Variants in KRT75 observed in about 807,000 individuals in gnomAD.
KRT75 encodes the protein keratin 75, also known as keratin, type II cytoskeletal 75.
In KRT75, 35 loss-of-function variants were observed where a neutral mutation model predicts 48.8. That is an observed-to-expected ratio of 0.72 (90% CI 0.55 to 0.95). The LOEUF (loss-of-function observed/expected upper bound fraction) is 0.95. Ranked by LOEUF, KRT75 falls within the 40% of genes least tolerant of loss-of-function variation. KRT75 has a pLI of 0.00. For synonymous variants in KRT75, 301 were observed against 282.3 expected, an observed-to-expected ratio of 1.07 and a Z score of -0.66; for missense variants, 776 against 709.9, an observed-to-expected ratio of 1.09 and a Z score of -1.06.
At chr12:52,430,501 C>T in intron 5 of KRT75, 40 bp downstream of exon 5, 1 of 1,602,630 alleles carries the variant, frequency 6.2e-7, no homozygotes, top group Non-Finnish European at 8.6e-7. Flanking sequence ...CCTCAGAGAA[C>T]ACTAACCCTG....
At chr12:52,431,493 C>T (rs1338091967) in intron 4 of KRT75, 50 bp downstream of exon 4, 1 of 1,321,904 alleles carries the variant, frequency 7.6e-7, no homozygotes, top group South Asian at 1.2e-5. Flanking sequence ...TCATCCTTTT[C>T]TTTCCAGGCT....
At chr12:52,428,799 G>A (rs1940107966) in intron 5 of KRT75, 56 bp from the exon 6 acceptor site, 15 of 1,611,618 alleles carry the variant, frequency 9.3e-6, no homozygotes, top group Middle Eastern at 2.1e-4. Flanking sequence ...CCAGGCACTC[G>A]CTGTGCACAC....
chr12:52,427,424 T>C (rs1449854848), intron 7 of KRT75, among the ~76,000 whole-genome samples: 2 of 152,264 alleles, frequency 1.3e-5, no homozygotes, highest in Non-Finnish European at 2.9e-5. Context: ...CTGTTACTTA[T>C]ATCACACCAC....
At chr12:52,431,873 A>T (rs1940149035) in intron 3 of KRT75, 133 bp downstream of exon 3, 1 of 886,016 alleles carries the variant, frequency 1.1e-6, no homozygotes, top group East Asian at 2.5e-5. Context: ...ACATGTTGGG[A>T]GGTTTGAACT....
In KRT75 at chr12:52,428,294, G is replaced by A. The variant is rs772417922; in HGVS notation, c.1344C>T (p.Ile448=). The change falls in exon 7 of 9, where the codon ATC becomes ATT. Residue 448 remains isoleucine (I), a synonymous_variant. Coordinates refer to ENST00000252245, the MANE Select transcript of KRT75 (RefSeq NM_004693.3). ...MNIKLALDVE[I]ATYRKLLEGE... Reference sequence around the variant, plus strand: ...CTTCCAGCAGCTTGCGGTAGGTGGCGATCTCCACGTCCAGGGCCAGCTTGA... The same window carrying A: ...CTTCCAGCAGCTTGCGGTAGGTGGCAATCTCCACGTCCAGGGCCAGCTTGA... The A allele has an allele frequency of 5.0e-6, 8 of 1,613,922 alleles. No homozygotes were observed. The highest frequency in any genetic ancestry group is 2.7e-5 in the African/African-American group (2 of 74,884).
In KRT75 at chr12:52,431,544, G is replaced by A. The variant is rs555868203; in HGVS notation, c.869C>T (p.Ala290Val). 91 of 1,600,302 alleles carry A rather than the reference G, an allele frequency of 5.7e-5. No homozygotes were observed. The South Asian group carries it at 9.4e-4, about 16-fold the overall frequency. The stretch of plus-strand genomic sequence containing the variant: ...ACAGAAATACTTGCAGACTCTTACT[G>A]CATCAAAGACTGAGTGGATGAAGTT... ...EINFIHSVFD[A>V]ELSQLQTQVG... is the part of the protein sequence containing the mutation. Residue 290 changes from alanine (A) to valine (V), a missense_variant and splice_region_variant, in exon 4 of 9, where the codon GCA becomes GTA. By Grantham distance (64) the Ala-to-Val change is moderately conservative. Transcript: ENST00000252245.
rs1177187103 is a variant in KRT75, at chr12:52,434,161, T to C, written c.144A>G (p.Gly48=). 2 of 1,613,328 alleles carry C rather than the reference T, an allele frequency of 1.2e-6. No individual in the cohort carries two copies. The highest frequency in any genetic ancestry group is 1.3e-5 in the African/African-American group (1 of 74,972). Residue 48 remains glycine (G), a synonymous_variant, in exon 1 of 9, where the codon GGA becomes GGG. Transcript: ENST00000252245. ...AGCTGGCCCCAGCACTGCTGATCCT[T>C]CCCAGGCCCCCACTCCCTGCTGCAG... is the stretch of plus-strand genomic sequence containing the variant. The part of the protein sequence containing the change: ...ARSAAGSGGL[G]RISSAGASFG...
intron 7 of KRT75, among the ~76,000 whole-genome samples, chr12:52,427,926 C>T (rs1940093602): frequency 6.6e-6 from 1 of 152,080 alleles, no homozygotes; most frequent in Non-Finnish European, 1.5e-5. Flanking sequence ...ATCTGTAAGC[C>T]CAAATCCTAG....
chr12:52,429,594 G>A (rs1940117866), intron 5 of KRT75, among the ~76,000 whole-genome samples: 1 of 152,194 alleles, frequency 6.6e-6, no homozygotes, highest in African/African-American at 2.4e-5. Context: ...ATTAAATGGA[G>A]CAACAACCCA....
At chr12:52,428,582 G>C (rs1489950905) in intron 6 of KRT75, 36 bp downstream of exon 6, 1 of 1,614,140 alleles carries the variant, frequency 6.2e-7, no homozygotes, top group East Asian at 2.2e-5. Flanking sequence ...GAAGAAATGA[G>C]CATTTGAGGA....
intron 8 of KRT75, 48 bp from the exon 9 acceptor site, chr12:52,424,803 A>C (rs1940058140): frequency 2.0e-6 from 3 of 1,466,632 alleles, no homozygotes; most frequent in Non-Finnish European, 2.9e-6. Flanking sequence ...AAGCGAGAAG[A>C]CAGCTGGGAG....
At chr12:52,430,017 C>T (rs1329041291) in intron 5 of KRT75, among the ~76,000 whole-genome samples, 3 of 152,210 alleles carry the variant, frequency 2.0e-5, no homozygotes, top group African/African-American at 4.8e-5. Context: ...CCCCACTCCT[C>T]AGCAATCTTT....
chr12:52,429,743 A>T (rs2121512730), intron 5 of KRT75, among the ~76,000 whole-genome samples: 1 of 151,954 alleles, frequency 6.6e-6, no homozygotes, highest in Middle Eastern at 3.4e-3. Context: ...TTTCCACCAC[A>T]CTCCTGACCA....
rs1940169481 is a variant in KRT75, at chr12:52,433,211, CT to C, written c.539del (p.Lys180SerfsTer13). 1.2e-6 allele frequency: 2 copies of C among 1,614,050 alleles called. No homozygotes were observed. Among genetic ancestry groups the C allele is most frequent in the Non-Finnish European group, 1.7e-6 (2 of 1,180,040 alleles). On this transcript the variant is annotated frameshift_variant, in exon 2 of 9. Coordinates refer to ENST00000252245, the MANE Select transcript of KRT75 (RefSeq NM_004693.3). LOFTEE classifies it high-confidence loss of function. ...LEQQNKVLET[K>X]WALLQEQGSR... ...AGCCCTGCTCCTGCAGGAGGGCCCA[CT>C]TGGTCTCCAGGACCTTGTTCTGCTG...
chr12:52,432,848 C>T (rs750332633), intron 2 of KRT75, among the ~76,000 whole-genome samples, 190 bp downstream of exon 2: 1 of 152,216 alleles, frequency 6.6e-6, no homozygotes, highest in Non-Finnish European at 1.5e-5. Context: ...GGAATAGGAT[C>T]TTCATAGCAA....
At chr12:52,431,250 T>A (rs1940140689) in intron 4 of KRT75, among the ~76,000 whole-genome samples, 1 of 151,974 alleles carries the variant, frequency 6.6e-6, no homozygotes, top group Non-Finnish European at 1.5e-5. Context: ...ATGTGTTGAT[T>A]CCTTGGGAAA....
Position 52,430,643 on chromosome 12 carries a change from G to T in KRT75, c.933C>A (p.Asn311Lys). The change falls in exon 5 of 9, where the codon AAC becomes AAA. Residue 311 changes from asparagine to lysine, a missense_variant. Asn to Lys is a moderately conservative substitution (Grantham distance 94). Transcript: ENST00000252245. ...DTSVVLSMDN[N>K]RNLDLDSIIA... ...TGATACTATCCAGGTCCAGGTTGCG[G>T]TTGTTGTCCATGGACAGCACCACGG... 6.2e-7 allele frequency: 1 copy of T among 1,614,164 alleles called. No individual in the cohort carries two copies. Among genetic ancestry groups the T allele is most frequent in the East Asian group, 2.2e-5 (1 of 44,876 alleles).
rs760638859 is a variant in KRT75, at chr12:52,428,692, T to G, written c.1087A>C (p.Thr363Pro). The change falls in exon 6 of 9, where the codon ACC becomes CCC. Residue 363 changes from threonine (T) to proline (P), a missense_variant. Physicochemically the swap from Thr to Pro is conservative, Grantham distance 38. Coordinates refer to ENST00000252245, the MANE Select transcript of KRT75 (RefSeq NM_004693.3). The part of the protein sequence containing the change: ...AGRHGDDLRN[T>P]KQEISEMNRM... ...TTCATTTCAGAGATCTCTTGTTTGG[T>G]GTTTCGAAGGTCATCCCCATGTCTG... 3.1e-6 allele frequency: 5 copies of G among 1,614,076 alleles called. No individual in the cohort carries two copies. Among genetic ancestry groups the G allele is most frequent in the Middle Eastern group, 1.6e-4 (1 of 6,084 alleles).
Position 52,433,024 on chromosome 12 carries a change from A to G in KRT75, c.713+14T>C, listed in dbSNP as rs370800178. The G allele has an allele frequency of 1.1e-4, 175 of 1,612,968 alleles. No individual in the cohort carries two copies. In the Admixed American group the frequency reaches 1.1e-3, roughly 10 times the overall value. On this transcript the variant is annotated intron_variant, in intron 2 of 8. Coordinates refer to ENST00000252245, the MANE Select transcript of KRT75 (RefSeq NM_004693.3). ...AGATGGCTGTGTGTGGCCAGAAGCC[A>G]GTCTCCCACTTACCTGACTTTGAAA... is the stretch of plus-strand genomic sequence containing the variant.
Sources: allele counts gnomAD v4.1 joint callset (sites outside exome capture counted in the v4.1 genomes callset), GRCh38; gene constraint gnomAD v4.1.1; transcripts MANE v1.5; gene names NCBI Gene and HGNC (gene_info 2026-07-23, HGNC 2026-07-21).